The following SLC9A1 variants were observed in gnomAD, a reference collection of about 807,000 sequenced individuals.
SLC9A1 encodes solute carrier family 9 member A1, also known as sodium/hydrogen exchanger 1.
SLC9A1 carries 22 observed loss-of-function variants against 67.9 expected under a neutral mutation model. The ratio of observed to expected loss-of-function variants is 0.32; its 90% CI spans 0.23 to 0.46. The LOEUF (loss-of-function observed/expected upper bound fraction) is 0.46, where lower values mean the gene tolerates loss of function less well. Ranked by LOEUF, SLC9A1 falls within the 20% of genes least tolerant of loss-of-function variation. The pLI is 1.00. For synonymous variants in SLC9A1, 421 were observed against 471.8 expected (o/e 0.89, Z 1.40); for missense variants, 686 against 1,094.8 (o/e 0.63, Z 5.27).
intron 4 of SLC9A1, among the ~76,000 whole-genome samples, chr1:27,107,404 CCATA>C (rs1408167507): frequency 1.3e-5 from 2 of 150,024 alleles, no homozygotes; most frequent in East Asian, 4.0e-4. Context: ...TACACACACA[CCATA>C]CACACATCCA....
chr1:27,100,484 G>C lies in SLC9A1; in HGVS notation c.2271C>G (p.Asp757Glu), dbSNP rs748647066. 10 of 1,613,944 alleles carry C rather than the reference G, an allele frequency of 6.2e-6. No homozygotes were observed. The Admixed American group carries it at 1.7e-4, about 27-fold the overall frequency. The change falls in exon 12 of 12, where the codon GAC becomes GAG. Residue 757 changes from aspartate to glutamate, a missense_variant. By Grantham distance (45) the Asp-to-Glu change is conservative (BLOSUM62 2). Transcript: ENST00000263980. This position sits in a 1 kb window ranked among gnomAD's most constrained non-coding sequence, Gnocchi z 5.6. ...DPAKVAEEDE[D>E]DDGGIMMRSK... Reference sequence around the variant, plus strand: ...TCCGCATCATGATGCCCCCATCGTCGTCCTCGTCCTCCTCAGCCACCTTTG... The same window carrying C: ...TCCGCATCATGATGCCCCCATCGTCCTCCTCGTCCTCCTCAGCCACCTTTG...
At chr1:27,104,735 C>T (rs2083172676) in intron 5 of SLC9A1, among the ~76,000 whole-genome samples, 2 of 152,134 alleles carry the variant, frequency 1.3e-5, no homozygotes. Context: ...CCCAGGTTTC[C>T]CCTATTTTTT....
At position 27,106,689 on chromosome 1, in the gene SLC9A1, G is replaced by A. The variant is rs1248508014; in HGVS notation, c.1283-602C>T. Among the ~76,000 whole-genome samples the A allele has an allele frequency of 2.0e-5, 3 of 152,082 alleles. No homozygotes were observed. The highest frequency in any genetic ancestry group is 2.9e-5 in the Non-Finnish European group (2 of 67,990). On this transcript the variant is annotated intron_variant, in intron 4 of 11. Coordinates refer to ENST00000263980, the MANE Select transcript of SLC9A1 (RefSeq NM_003047.5). This position sits in a 1 kb window ranked among gnomAD's most constrained non-coding sequence, Gnocchi z 4.3. ...GGGGTGAGGCATGTGGGGCACATGTGAGTGGAACCCATGCACCTGGGGCCT... is the reference window on the plus strand; with the variant it reads ...GGGGTGAGGCATGTGGGGCACATGTAAGTGGAACCCATGCACCTGGGGCCT...
In SLC9A1 at chr1:27,154,769, C is replaced by CTAA. The variant is rs1252012964; in HGVS notation, c.-438_-436dup. 1 of 155,320 alleles carries CTAA rather than the reference C, an allele frequency of 6.4e-6. No individual in the cohort carries two copies. The highest frequency in any genetic ancestry group is 1.4e-5 in the Non-Finnish European group (1 of 70,212). The allele number at this position is 155,320 out of a possible 1,614,324, so 9.6% of individuals were successfully genotyped here. On this transcript the variant is annotated 5_prime_UTR_variant, in exon 1 of 12. Coordinates refer to ENST00000263980, the MANE Select transcript of SLC9A1 (RefSeq NM_003047.5). ...TAAAGGAAGGGGTAGGGAGCCTGAG[C>CTAA]TAAAGGAAGGGGACCGAAGGGGGTG... is the stretch of plus-strand genomic sequence containing the variant.
intron 1 of SLC9A1, among the ~76,000 whole-genome samples, chr1:27,151,588 C>T (rs894897831): frequency 1.3e-5 from 2 of 152,086 alleles, no homozygotes; most frequent in Non-Finnish European, 2.9e-5. Flanking sequence ...TATCAAAACT[C>T]CTGACTTCAG....
At position 27,101,190 on chromosome 1, in the gene SLC9A1, G is replaced by A. The variant is rs371426452; in HGVS notation, c.2110+13C>T. 17 of 1,605,518 alleles carry A rather than the reference G, an allele frequency of 1.1e-5. No homozygotes were observed. In the African/African-American group the frequency reaches 1.9e-4, roughly 18 times the overall value. On this transcript the variant is annotated intron_variant, in intron 11 of 11. Transcript: ENST00000263980. The surrounding 1 kb of genome is among the most constrained non-coding windows in gnomAD (Gnocchi z 4.9). Reference sequence around the variant, plus strand: ...AGAGTGCCCAGTCCTGAGGCCCCTCGCCAGGCCCTTACCTGAGCCGATGCG... The same window carrying A: ...AGAGTGCCCAGTCCTGAGGCCCCTCACCAGGCCCTTACCTGAGCCGATGCG...
intron 1 of SLC9A1, among the ~76,000 whole-genome samples, chr1:27,151,100 G>A (rs1026431726): frequency 1.3e-5 from 2 of 152,110 alleles, no homozygotes; most frequent in Non-Finnish European, 1.5e-5. Context: ...GAACAGTATA[G>A]GACACATGGA....
intron 1 of SLC9A1, among the ~76,000 whole-genome samples, chr1:27,138,877 G>A (rs1455114882): frequency 1.3e-5 from 2 of 152,144 alleles, no homozygotes; most frequent in African/African-American, 4.8e-5. Flanking sequence ...CTGGTTTACA[G>A]GTCTCAAAGC....
rs1026605671 is a variant in SLC9A1 at position 27,106,724 on chromosome 1, G to A, written c.1283-637C>T. Among the ~76,000 whole-genome samples the A allele has an allele frequency of 7.9e-5, 12 of 152,004 alleles. No homozygotes were observed. The highest frequency in any genetic ancestry group is 7.2e-4 in the Admixed American group (11 of 15,264). ...CATGCACCTGGGGCCTGGTCCCCAC[G>A]TGTGCCCCGGCCTGCTGCATAGGTT... is the stretch of plus-strand genomic sequence containing the variant. On this transcript the variant is annotated intron_variant, in intron 4 of 11. Transcript: ENST00000263980. The surrounding 1 kb of genome is among the most constrained non-coding windows in gnomAD (Gnocchi z 4.3).
chr1:27,144,469 G>A (rs1322738794), intron 1 of SLC9A1, among the ~76,000 whole-genome samples: 9 of 152,184 alleles, frequency 5.9e-5, no homozygotes, highest in African/African-American at 9.7e-5. Flanking sequence ...ACTGGCTGGC[G>A]CCTAAGGCAT....
intron 1 of SLC9A1, among the ~76,000 whole-genome samples, chr1:27,119,237 G>A (rs1327340991): frequency 1.3e-5 from 2 of 152,086 alleles, no homozygotes; most frequent in East Asian, 1.9e-4. Context: ...AAGGCTGTCC[G>A]ACATCACCCT....
chr1:27,149,104 C>T (rs2083509795), intron 1 of SLC9A1, among the ~76,000 whole-genome samples: 1 of 152,200 alleles, frequency 6.6e-6, no homozygotes, highest in Non-Finnish European at 1.5e-5. Flanking sequence ...AGAACACCTA[C>T]AGCTTTCTCA....
chr1:27,154,515 T>C lies in SLC9A1; in HGVS notation c.-181A>G. ...GGGTGGAGGGAGGCTGGGTTTGCAA[T>C]CTGGAACTCCAAAGTGGGGAAAGGG... is the stretch of plus-strand genomic sequence containing the variant. On this transcript the variant is annotated 5_prime_UTR_variant, in exon 1 of 12. Coordinates refer to ENST00000263980, the MANE Select transcript of SLC9A1 (RefSeq NM_003047.5). The C allele has an allele frequency of 1.9e-6, 1 of 516,748 alleles. No homozygotes were observed. Among genetic ancestry groups the C allele is most frequent in the Non-Finnish European group, 3.4e-6 (1 of 293,690 alleles). 32.0% of individuals were successfully genotyped at this position (516,748 alleles called of 1,614,324 possible). A position where few individuals can be genotyped will look rare whatever the true frequency, so the allele number is the denominator to read the frequency against.
intron 1 of SLC9A1, among the ~76,000 whole-genome samples, chr1:27,122,812 G>A (rs2083313204): frequency 6.6e-6 from 1 of 152,194 alleles, no homozygotes; most frequent in Non-Finnish European, 1.5e-5. Flanking sequence ...AAAGGCACTG[G>A]ATCAAGAGTC....
At chr1:27,103,535 C>A (rs967632832) in intron 5 of SLC9A1, 7 of 568,376 alleles carry the variant, frequency 1.2e-5, no homozygotes, top group Non-Finnish European at 2.2e-5. Context: ...GGTTTCACTG[C>A]CAAATGACCC....
chr1:27,105,383 T>C (rs138783315), intron 5 of SLC9A1: 316 of 303,106 alleles, frequency 1.0e-3, no homozygotes, highest in African/African-American at 6.0e-3. Flanking sequence ...CACTGCAACC[T>C]CCACCTCCTG....
At chr1:27,128,095 T>A (rs1357662465) in intron 1 of SLC9A1, among the ~76,000 whole-genome samples, 4 of 152,212 alleles carry the variant, frequency 2.6e-5, no homozygotes, top group Non-Finnish European at 5.9e-5. Flanking sequence ...AACTGTGGCA[T>A]CTGGGTACAG....
At chr1:27,104,070 C>G (rs1570844887) in intron 5 of SLC9A1, 2 of 151,348 alleles carry the variant, frequency 1.3e-5, no homozygotes, top group African/African-American at 4.9e-5. Flanking sequence ...GTGGCAGCCT[C>G]CTCCTCTTTT....
Position 27,100,709 on chromosome 1 carries a change from CG to C in SLC9A1, c.2111-66del. 1.5e-6 allele frequency: 2 copies of C among 1,374,258 alleles called. No individual in the cohort carries two copies. Among genetic ancestry groups the C allele is most frequent in the Non-Finnish European group, 2.0e-6 (2 of 999,602 alleles). 85.1% of individuals were successfully genotyped at this position (1,374,258 alleles called of 1,614,324 possible). ...GGAGCCCGGCCCAGCACGTGCCACT[CG>C]GCCGCGTCAGTGCCTCCTTCAGGCC... On this transcript the variant is annotated intron_variant, in intron 11 of 11. Coordinates refer to ENST00000263980, the MANE Select transcript of SLC9A1 (RefSeq NM_003047.5). The surrounding 1 kb of genome is among the most constrained non-coding windows in gnomAD (Gnocchi z 5.6).
Sources: gnomAD v4.1 joint callset for allele counts (sites outside exome capture counted in the v4.1 genomes callset) on GRCh38, gnomAD v4.1.1 for gene constraint, Gnocchi (gnomAD v3.1) non-coding constraint, MANE v1.5 for transcripts, NCBI Gene and HGNC (gene_info 2026-07-23, HGNC 2026-07-21) for gene names.